The following TMEM82 variants were observed in gnomAD, a reference collection of about 807,000 sequenced individuals.
The protein encoded by TMEM82 is transmembrane protein 82.
A neutral mutation model predicts 29.2 loss-of-function variants in TMEM82; 30 were observed. The observed-to-expected ratio is 1.03, with a 90% CI of 0.77 to 1.39. The LOEUF (loss-of-function observed/expected upper bound fraction) is 1.39. Among genes scored for constraint, TMEM82 ranks in the 40% most tolerant of loss-of-function variants. The probability of loss-of-function intolerance (pLI) is 0.00; values close to 1 mark genes in which losing one functional copy is unlikely to be tolerated. For missense variants in TMEM82, 442 were observed against 447.7 expected (o/e 0.99, Z 0.12); for synonymous variants, 221 against 225.4 (o/e 0.98, Z 0.18).
Position 15,747,588 on chromosome 1 carries a change from C to G in TMEM82, c.988C>G (p.Pro330Ala), listed in dbSNP as rs202129484. ...QRPPVSTPSQ[P>A]LPSAPQSQSS... ...GCCTCCAGTGTCAACACCAAGCCAGCCCCTGCCCTCGGCACCCCAGTCCCA... is the reference window on the plus strand; with the variant it reads ...GCCTCCAGTGTCAACACCAAGCCAGGCCCTGCCCTCGGCACCCCAGTCCCA... Residue 330 changes from proline (P) to alanine (A), a missense_variant, in exon 6 of 6, where the codon CCC (proline) becomes GCC (alanine). Transcript: ENST00000375782. 6.2e-7 allele frequency: 1 copy of G among 1,614,078 alleles called. No individual in the cohort carries two copies. Among genetic ancestry groups the G allele is most frequent in the Admixed American group, 1.7e-5 (1 of 60,018 alleles).
intron 3 of TMEM82, among the ~76,000 whole-genome samples, chr1:15,743,896 C>T (rs1341005891): frequency 2.6e-5 from 4 of 151,842 alleles, no homozygotes; most frequent in Admixed American, 1.3e-4. Flanking sequence ...ACCCAGGAGG[C>T]GGAGGTTGCA....
intron 5 of TMEM82, 35 bp from the exon 6 acceptor site, chr1:15,747,511 G>C: frequency 1.3e-6 from 2 of 1,587,284 alleles, no homozygotes; most frequent in Non-Finnish European, 1.7e-6. Context: ...GGGGATGGGT[G>C]AATGGGTGGT....
At chr1:15,747,171 A>C in intron 5 of TMEM82, 117 bp downstream of exon 5, 1 of 1,082,822 alleles carries the variant, frequency 9.2e-7, no homozygotes. Context: ...TCACACCTGT[A>C]ATCCCAAATA....
intron 3 of TMEM82, among the ~76,000 whole-genome samples, 166 bp downstream of exon 3, chr1:15,743,360 C>T (rs867445244): frequency 2.7e-4 from 41 of 152,234 alleles, no homozygotes; most frequent in Non-Finnish European, 5.9e-5. Flanking sequence ...GGTTTGGTTG[C>T]GGAAGCGGCC....
At chr1:15,743,600 C>G (rs1289490516) in intron 3 of TMEM82, among the ~76,000 whole-genome samples, 2 of 152,168 alleles carry the variant, frequency 1.3e-5, no homozygotes, top group Non-Finnish European at 2.9e-5. Flanking sequence ...GGCTTTGGAC[C>G]CAGGTCTCTG....
chr1:15,744,443 C>T lies in TMEM82; in HGVS notation c.620C>T (p.Ala207Val). 6.2e-7 allele frequency: 1 copy of T among 1,602,654 alleles called. No homozygotes were observed. Among genetic ancestry groups the T allele is most frequent in the Non-Finnish European group, 8.5e-7 (1 of 1,175,376 alleles). The change falls in exon 4 of 6, where the codon GCC becomes GTC. Residue 207 changes from alanine to valine, a missense_variant. Transcript: ENST00000375782. This position sits in a 1 kb window ranked among gnomAD's most constrained non-coding sequence, Gnocchi z 5.2. ...AHGLPQLLGR[A>V]LAIAFAVGDL... ...GGCCTCCCCCAGCTGCTGGGCCGTG[C>T]CCTGGCCATAGCCTTTGCCGTGGGT...
intron 3 of TMEM82, among the ~76,000 whole-genome samples, chr1:15,743,630 T>C (rs1013813496): frequency 6.6e-6 from 1 of 152,152 alleles, no homozygotes; most frequent in Non-Finnish European, 1.5e-5. Context: ...ACCACCACCC[T>C]TCAGCTAACA....
intron 1 of TMEM82, 73 bp from the exon 2 acceptor site, chr1:15,742,762 T>G (rs2068300113): frequency 6.5e-7 from 1 of 1,538,954 alleles, no homozygotes; most frequent in East Asian, 2.3e-5. Flanking sequence ...CCGCCCCCTC[T>G]GACCCTACCA....
At chr1:15,743,662 C>A (rs2148394465) in intron 3 of TMEM82, among the ~76,000 whole-genome samples, 1 of 152,278 alleles carries the variant, frequency 6.6e-6, no homozygotes, top group Non-Finnish European at 1.5e-5. Flanking sequence ...AGTACTAAGA[C>A]ATGATTGAAG....
intron 1 of TMEM82, 86 bp from the exon 2 acceptor site, chr1:15,742,749 T>C (rs2068299980): frequency 6.6e-7 from 1 of 1,522,544 alleles, no homozygotes; most frequent in South Asian, 1.2e-5. Flanking sequence ...CCCTGCCCCT[T>C]GGCCGCCCCC....
At chr1:15,743,963 TA>T (rs566389634) in intron 3 of TMEM82, among the ~76,000 whole-genome samples, 196 bp from the exon 4 acceptor site, 100 of 142,236 alleles carry the variant, frequency 7.0e-4, no homozygotes, top group Non-Finnish European at 8.4e-4. Context: ...AGACTCTGTC[TA>T]AAAAAAAAAA....
Position 15,747,959 on chromosome 1 carries a change from C to T in TMEM82, c.*327C>T. 3.6e-6 allele frequency: 1 copy of T among 276,092 alleles called. No individual in the cohort carries two copies. The allele number at this position is 276,092 out of a possible 1,614,324, so 17.1% of individuals were successfully genotyped here. On this transcript the variant is annotated 3_prime_UTR_variant, in exon 6 of 6. Coordinates refer to ENST00000375782, the MANE Select transcript of TMEM82 (RefSeq NM_001013641.3). The stretch of plus-strand genomic sequence containing the variant: ...TGGTCTCCCTTCCCTTCTCCATGAA[C>T]AATAAAGACGATGTCTTTCTCAACC...
In TMEM82 at chr1:15,742,817, T is replaced by C; in HGVS notation, c.89-18T>C. On this transcript the variant is annotated intron_variant, in intron 1 of 5. Transcript: ENST00000375782. ...CACCCCTGCACGCTGCCTCGCTGCC[T>C]CCCTCCCGCCCCCTCAGGCCTGATC... The C allele has an allele frequency of 1.2e-6, 2 of 1,608,946 alleles. No individual in the cohort carries two copies. Among genetic ancestry groups the C allele is most frequent in the Admixed American group, 1.7e-5 (1 of 59,788 alleles).
rs867285354 is a variant in TMEM82 at position 15,747,677 on chromosome 1, T to C, written c.*45T>C. On this transcript the variant is annotated 3_prime_UTR_variant, in exon 6 of 6. Transcript: ENST00000375782. ...GGAGTCTGTCTCAAGCCCACTAGCC[T>C]GATCTCCGAGGCCTTGACCCCAGGG... 6.4e-7 allele frequency: 1 copy of C among 1,555,860 alleles called. No homozygotes were observed. The highest frequency in any genetic ancestry group is 1.1e-5 in the South Asian group (1 of 88,772).
chr1:15,742,740 C>A, intron 1 of TMEM82, 93 bp downstream of exon 1: 2 of 1,520,788 alleles, frequency 1.3e-6, no homozygotes, highest in Non-Finnish European at 9.0e-7. Flanking sequence ...TCCCGACACC[C>A]CTGCCCCTTG....
intron 4 of TMEM82, among the ~76,000 whole-genome samples, chr1:15,745,256 C>G (rs1047479508): frequency 6.6e-6 from 1 of 152,138 alleles, no homozygotes; most frequent in African/African-American, 2.4e-5. Flanking sequence ...CACAGTGGCT[C>G]ATGCCTATAA....
At position 15,743,083 on chromosome 1, in the gene TMEM82, G is replaced by T; in HGVS notation, c.225G>T (p.Val75=). The change falls in exon 3 of 6, where the codon GTG becomes GTT. Residue 75 remains valine (V), a synonymous_variant. Transcript: ENST00000375782. The part of the protein sequence containing the change: ...LRAQWASLET[V]HLAGLALFLT... ...CCCAGTGGGCCTCCCTGGAAACGGTGCACCTGGCAGGGCTGGCCCTGTTTC... is the reference window on the plus strand; with the variant it reads ...CCCAGTGGGCCTCCCTGGAAACGGTTCACCTGGCAGGGCTGGCCCTGTTTC... The T allele has an allele frequency of 6.2e-7, 1 of 1,610,594 alleles. No individual in the cohort carries two copies.
chr1:15,744,479 C>T lies in TMEM82; in HGVS notation c.656C>T (p.Ala219Val). 1 of 1,611,194 alleles carries T rather than the reference C, an allele frequency of 6.2e-7. No homozygotes were observed. Among genetic ancestry groups the T allele is most frequent in the Non-Finnish European group, 8.5e-7 (1 of 1,179,326 alleles). Residue 219 changes from alanine (A) to valine (V), a missense_variant, in exon 4 of 6, where the codon GCT (alanine) becomes GTT (valine). Transcript: ENST00000375782. This position sits in a 1 kb window ranked among gnomAD's most constrained non-coding sequence, Gnocchi z 5.2. ...AIAFAVGDLA[A>V]VALINQDFLT... The stretch of plus-strand genomic sequence containing the variant: ...GCCTTTGCCGTGGGTGACCTGGCAG[C>T]TGTGGCCCTCATCAACCAGGACTTC...
In TMEM82 at chr1:15,744,352, C is replaced by T. The variant is rs1419445754; in HGVS notation, c.529C>T (p.Leu177Phe). Residue 177 changes from leucine to phenylalanine, a missense_variant, in exon 4 of 6, where the codon CTC becomes TTC. Transcript: ENST00000375782. This position sits in a 1 kb window ranked among gnomAD's most constrained non-coding sequence, Gnocchi z 5.2. Reference protein sequence around the residue: ...ARRLHRHVCRLYELHSSQRYC... With the variant: ...ARRLHRHVCRFYELHSSQRYC... ...GCGCCTCCACCGCCACGTCTGCCGC[C>T]TCTACGAGCTGCACAGCAGCCAGCG... The T allele has an allele frequency of 1.3e-6, 2 of 1,548,276 alleles. No individual in the cohort carries two copies. The highest frequency in any genetic ancestry group is 1.9e-5 in the Admixed American group (1 of 51,680).
Sources: gnomAD v4.1 joint callset for allele counts (sites outside exome capture counted in the v4.1 genomes callset) on GRCh38, gnomAD v4.1.1 for gene constraint, Gnocchi (gnomAD v3.1) non-coding constraint, MANE v1.5 for transcripts, NCBI Gene and HGNC (gene_info 2026-07-23, HGNC 2026-07-21) for gene names.